MGAM: variants seen among roughly 807,000 people sequenced by gnomAD.
The protein encoded by MGAM is maltase-glucoamylase.
Under a neutral mutation model 358.8 loss-of-function variants are expected in MGAM, and 253 were observed. The ratio of observed to expected loss-of-function variants is 0.71; its 90% CI spans 0.64 to 0.78. MGAM has a LOEUF of 0.78. Ranked by LOEUF, MGAM falls within the 30% of genes least tolerant of loss-of-function variation. The pLI is 0.00. For missense variants in MGAM, 3,080 were observed against 3,432.6 expected (o/e 0.90, Z 2.57); for synonymous variants, 1,105 against 1,227.1 (o/e 0.90, Z 2.08).
intron 3 of MGAM, among the ~76,000 whole-genome samples, chr7:142,016,573 C>G (rs549390886): frequency 6.6e-6 from 1 of 152,046 alleles, no homozygotes; most frequent in Non-Finnish European, 1.5e-5. Context: ...GTCTATTTGC[C>G]TGATATTAGT....
intron 40 of MGAM, 131 bp from the exon 41 acceptor site, chr7:142,066,442 C>G: frequency 9.2e-7 from 1 of 1,090,108 alleles, no homozygotes; most frequent in Non-Finnish European, 1.3e-6. Context: ...AGAATATTCT[C>G]TGGGCCTCAT....
Position 142,093,207 on chromosome 7 carries a change from T to C in MGAM, c.7034-205T>C, listed in dbSNP as rs1242797030. Among the ~76,000 whole-genome samples, 3 of 146,664 alleles carry C rather than the reference T, an allele frequency of 2.0e-5. 1 individual carries two copies. The highest frequency in any genetic ancestry group is 3.1e-5 in the Non-Finnish European group (2 of 64,780). On this transcript the variant is annotated intron_variant, in intron 59 of 70. Transcript: ENST00000475668. The stretch of plus-strand genomic sequence containing the variant: ...TACATTCTTCCTGACACCTCTGCTT[T>C]CTTCAGTGAACTTGATGTTGGAAAC...
At position 142,047,972 on chromosome 7, in the gene MGAM, T is replaced by C. The variant is rs369460614; in HGVS notation, c.2587+99T>C. On this transcript the variant is annotated intron_variant, in intron 22 of 70. Coordinates refer to ENST00000475668, the MANE Select transcript of MGAM (RefSeq NM_001365693.1). The stretch of plus-strand genomic sequence containing the variant: ...CATTCAGCTGTGGGAGAAATCTCAG[T>C]AGGCACAGTAGCAAGAGTCACTTAA... The C allele has an allele frequency of 2.6e-4, 237 of 903,408 alleles. 1 individual carries two copies. Among genetic ancestry groups the C allele is most frequent in the Middle Eastern group, 2.3e-3 (11 of 4,686 alleles). 56.0% of individuals were successfully genotyped at this position (903,408 alleles called of 1,614,324 possible).
At chr7:142,074,434 T>C (rs955273902) in intron 45 of MGAM, among the ~76,000 whole-genome samples, 1 of 146,122 alleles carries the variant, frequency 6.8e-6, no homozygotes, top group African/African-American at 2.4e-5. Flanking sequence ...TGTCAATGGG[T>C]GCTTAGATGA....
chr7:142,051,490 T>C (rs1207186277), intron 24 of MGAM, among the ~76,000 whole-genome samples: 1 of 152,100 alleles, frequency 6.6e-6, no homozygotes, highest in Admixed American at 6.6e-5. Flanking sequence ...AACTTTAACT[T>C]GGGAAGTGTT....
intron 40 of MGAM, among the ~76,000 whole-genome samples, chr7:142,066,109 C>T (rs955361679): frequency 2.8e-5 from 4 of 144,672 alleles, no homozygotes; most frequent in African/African-American, 4.9e-5. Flanking sequence ...GATAAAGGCA[C>T]ATCCCAGCGT....
At chr7:142,040,599 T>G in intron 20 of MGAM, 123 bp from the exon 21 acceptor site, 1 of 1,279,544 alleles carries the variant, frequency 7.8e-7, no homozygotes, top group East Asian at 2.6e-5. Flanking sequence ...TTTGATTGCC[T>G]GGCTAGACCA....
chr7:141,987,390 A>G (rs782536924), intron 2 of MGAM, among the ~76,000 whole-genome samples: 14 of 152,320 alleles, frequency 9.2e-5, no homozygotes, highest in Non-Finnish European at 1.6e-4. Flanking sequence ...TCTTAATAAC[A>G]TGCCGTAATC....
At chr7:142,008,353 C>A (rs1360555180) in intron 2 of MGAM, among the ~76,000 whole-genome samples, 153 bp from the exon 3 acceptor site, 2 of 152,240 alleles carry the variant, frequency 1.3e-5, no homozygotes, top group Middle Eastern at 3.4e-3. Flanking sequence ...TCAGCAGGAA[C>A]AAAGTGACAT....
intron 3 of MGAM, among the ~76,000 whole-genome samples, chr7:142,017,079 G>A (rs567328872): frequency 6.6e-6 from 1 of 152,134 alleles, no homozygotes; most frequent in East Asian, 1.9e-4. Flanking sequence ...CTCATTTTGT[G>A]CCTTCTCTTC....
chr7:142,005,632 A>G lies in MGAM; in HGVS notation c.102A>G (p.Leu34=). ...TCAGTATTGTTCTAATTGTGCTTTT[A>G]GCCAAAGAGTCACTGAAATCAACAG... is the stretch of plus-strand genomic sequence containing the variant. ...FIISIVLIVL[L]AKESLKSTAP... The change falls in exon 2 of 71, where the codon TTA becomes TTG. Residue 34 remains leucine (L), a synonymous_variant. Coordinates refer to ENST00000475668, the MANE Select transcript of MGAM (RefSeq NM_001365693.1). The G allele has an allele frequency of 6.3e-7, 1 of 1,599,934 alleles. No individual in the cohort carries two copies. Among genetic ancestry groups the G allele is most frequent in the Non-Finnish European group, 8.5e-7 (1 of 1,172,820 alleles).
At chr7:142,041,260 T>C (rs1808501621) in intron 21 of MGAM, among the ~76,000 whole-genome samples, 1 of 152,140 alleles carries the variant, frequency 6.6e-6, no homozygotes, top group Non-Finnish European at 1.5e-5. Flanking sequence ...AAAAATAGAT[T>C]CCATCTGTAC....
At chr7:142,068,005 T>A (rs1233313316) in intron 42 of MGAM, among the ~76,000 whole-genome samples, 1 of 69,574 alleles carries the variant, frequency 1.4e-5, no homozygotes, top group Non-Finnish European at 3.4e-5. Context: ...TTTTTTTTTT[T>A]GAGACAGAGT....
chr7:142,011,737 T>C (rs992262155), intron 3 of MGAM, among the ~76,000 whole-genome samples: 1 of 152,184 alleles, frequency 6.6e-6, no homozygotes, highest in African/African-American at 2.4e-5. Context: ...CAAAATATTT[T>C]AGAATAGTGA....
intron 70 of MGAM, among the ~76,000 whole-genome samples, chr7:142,104,035 G>A (rs1238287452): frequency 6.6e-6 from 1 of 152,002 alleles, no homozygotes; most frequent in Non-Finnish European, 1.5e-5. Context: ...TGTATTTTTA[G>A]TAGAGACAGG....
intron 2 of MGAM, among the ~76,000 whole-genome samples, chr7:141,986,775 C>G (rs1554446298): frequency 2.6e-5 from 4 of 152,134 alleles, no homozygotes; most frequent in African/African-American, 9.7e-5. Flanking sequence ...CTCCAATAAT[C>G]TTGAACTAAA....
Position 142,092,610 on chromosome 7 carries a change from T to C in MGAM, c.7033+2T>C. The C allele has an allele frequency of 2.0e-6, 3 of 1,532,280 alleles. No individual in the cohort carries two copies. The highest frequency in any genetic ancestry group is 2.3e-5 in the South Asian group (2 of 85,984). The allele number at this position is 1,532,280 out of a possible 1,614,324, so 94.9% of individuals were successfully genotyped here. Reference sequence around the variant, plus strand: ...TGAACCACCCTCCCTACATGCCGTGTAAGAATCCTTGGCCTTCTTGATTGG... The same window carrying C: ...TGAACCACCCTCCCTACATGCCGTGCAAGAATCCTTGGCCTTCTTGATTGG... On this transcript the variant is annotated splice_donor_variant, in intron 59 of 70. Coordinates refer to ENST00000475668, the MANE Select transcript of MGAM (RefSeq NM_001365693.1). LOFTEE classifies it high-confidence loss of function.
Position 142,096,359 on chromosome 7 carries a change from A to G in MGAM, c.7636A>G (p.Ile2546Val), listed in dbSNP as rs770423213. The stretch of plus-strand genomic sequence containing the variant: ...TGTGTCAGACCAGGTGACATGGGAC[A>G]TAGACAGTCAGTTCCTGCTGGGCCC... ...EFVSDQVTWD[I>V]DSQFLLGPAF... The change falls in exon 65 of 71, where the codon ATA becomes GTA. Residue 2546 changes from isoleucine (I) to valine (V), a missense_variant. Coordinates refer to ENST00000475668, the MANE Select transcript of MGAM (RefSeq NM_001365693.1). 16 of 1,613,594 alleles carry G rather than the reference A, an allele frequency of 9.9e-6. No individual in the cohort carries two copies. The East Asian group carries it at 3.6e-4, about 36-fold the overall frequency.
At chr7:142,059,718 G>A (rs1477618085) in intron 32 of MGAM, 118 bp downstream of exon 32, 4 of 1,577,272 alleles carry the variant, frequency 2.5e-6, no homozygotes, top group South Asian at 1.2e-5. Context: ...AGTAAGAAAG[G>A]TGTATTTCCC....
Sources: gnomAD v4.1 joint callset for allele counts (sites outside exome capture counted in the v4.1 genomes callset) on GRCh38, gnomAD v4.1.1 for gene constraint, MANE v1.5 for transcripts, NCBI Gene and HGNC (gene_info 2026-07-23, HGNC 2026-07-21) for gene names.